The following FAM3C variants were observed in gnomAD, a reference collection of about 807,000 sequenced individuals.
The protein encoded by FAM3C is protein FAM3C.
In FAM3C, 15 loss-of-function variants were observed where a neutral mutation model predicts 32.5. The ratio of observed to expected loss-of-function variants is 0.46; its 90% CI spans 0.31 to 0.71. The LOEUF (loss-of-function observed/expected upper bound fraction) is 0.71, where lower values mean the gene tolerates loss of function less well. Among genes scored for constraint, FAM3C ranks in the 30% least tolerant of loss-of-function variants. The pLI, the probability that FAM3C is intolerant of heterozygous loss-of-function variation, is 0.05. For synonymous variants in FAM3C, 75 were observed against 86.1 expected, an observed-to-expected ratio of 0.87 and a Z score of 0.72; for missense variants, 175 against 274.4, an observed-to-expected ratio of 0.64 and a Z score of 2.56.
chr7:121,360,030 A>AAATTTTT lies in FAM3C; in HGVS notation c.467+12_467+13insAAAAATT. On this transcript the variant is annotated intron_variant, in intron 8 of 9. Transcript: ENST00000359943. ...AAATTATAGTTCCAAAAAGTTCTGT[A>AAATTTTT]AAGTTTACATACTTGGTTGCTCCAT... 7.4e-7 allele frequency: 1 copy of AAATTTTT among 1,345,648 alleles called. No homozygotes were observed. The allele number at this position is 1,345,648 out of a possible 1,614,324, so 83.4% of individuals were successfully genotyped here. A position where few individuals can be genotyped will look rare whatever the true frequency, so the allele number is the denominator to read the frequency against.
Position 121,348,972 on chromosome 7 carries a change from T to C in FAM3C, c.*1489A>G, listed in dbSNP as rs1449381461. On this transcript the variant is annotated 3_prime_UTR_variant, in exon 10 of 10. Transcript: ENST00000359943. ...AATTTACAGAATTGAGGGAAGTATT[T>C]TAAATGTCAAAATACACATGCTGAA... The C allele has an allele frequency of 3.3e-5, 5 of 152,348 alleles. No individual in the cohort carries two copies. The highest frequency in any genetic ancestry group is 4.8e-5 in the African/African-American group (2 of 41,398). The allele number at this position is 152,348 out of a possible 1,614,324, so 9.4% of individuals were successfully genotyped here. A position where few individuals can be genotyped will look rare whatever the true frequency, so the allele number is the denominator to read the frequency against.
At chr7:121,367,961 G>A (rs1458728906) in intron 5 of FAM3C, among the ~76,000 whole-genome samples, 1 of 151,244 alleles carries the variant, frequency 6.6e-6, no homozygotes, top group Non-Finnish European at 1.5e-5. Context: ...ATGAGACCCT[G>A]TCTCTAGGTA....
At chr7:121,358,372 G>C (rs1793852372) in intron 8 of FAM3C, among the ~76,000 whole-genome samples, 1 of 151,900 alleles carries the variant, frequency 6.6e-6, no homozygotes, top group South Asian at 2.1e-4. Context: ...TAGTATTAAA[G>C]CTCTGTCAAT....
At chr7:121,381,479 T>C (rs1794354934) in intron 2 of FAM3C, among the ~76,000 whole-genome samples, 1 of 152,140 alleles carries the variant, frequency 6.6e-6, no homozygotes, top group Non-Finnish European at 1.5e-5. Context: ...CTGGGAATTG[T>C]CAGAACCAGA....
At chr7:121,392,897 G>T (rs1437111708) in intron 1 of FAM3C, among the ~76,000 whole-genome samples, 1 of 152,142 alleles carries the variant, frequency 6.6e-6, no homozygotes, top group Admixed American at 6.5e-5. Flanking sequence ...ACTGATACCT[G>T]CTGATTTAGA....
intron 8 of FAM3C, among the ~76,000 whole-genome samples, chr7:121,351,926 G>GT (rs1562881791): frequency 6.6e-6 from 1 of 152,128 alleles, no homozygotes; most frequent in Non-Finnish European, 1.5e-5. Context: ...AAAATTTTGT[G>GT]TAAGTGATCA....
chr7:121,392,651 T>C (rs962885836), intron 1 of FAM3C, among the ~76,000 whole-genome samples: 7 of 152,226 alleles, frequency 4.6e-5, no homozygotes, highest in Non-Finnish European at 5.9e-5. Flanking sequence ...CTGCAAGTAA[T>C]GAATGATATG....
intron 1 of FAM3C, among the ~76,000 whole-genome samples, chr7:121,392,203 C>T (rs1398172732): frequency 2.6e-5 from 4 of 152,194 alleles, no homozygotes; most frequent in South Asian, 2.1e-4. Flanking sequence ...TTTGTGAAAA[C>T]GTATTGTATT....
intron 1 of FAM3C, among the ~76,000 whole-genome samples, chr7:121,390,487 C>T (rs1036678730): frequency 6.6e-6 from 1 of 152,162 alleles, no homozygotes; most frequent in African/African-American, 2.4e-5. Context: ...GGGGACTAGA[C>T]TGCCTTTGTA....
chr7:121,390,646 T>C (rs969520180), intron 1 of FAM3C, among the ~76,000 whole-genome samples: 3 of 152,034 alleles, frequency 2.0e-5, no homozygotes, highest in African/African-American at 4.8e-5. Flanking sequence ...GGGTTACCTA[T>C]AGCATGCACA....
At chr7:121,387,884 T>C (rs1448335100) in intron 1 of FAM3C, among the ~76,000 whole-genome samples, 7 of 152,130 alleles carry the variant, frequency 4.6e-5, no homozygotes, top group Non-Finnish European at 5.9e-5. Flanking sequence ...AAAAACCTTG[T>C]CTTTAATAAC....
At chr7:121,362,798 C>T (rs992946700) in intron 7 of FAM3C, 99 bp downstream of exon 7, 13 of 710,754 alleles carry the variant, frequency 1.8e-5, no homozygotes, top group East Asian at 2.8e-5. Flanking sequence ...AATGAACTAA[C>T]GCAAATAGCA....
At chr7:121,387,489 T>A (rs1420874043) in intron 1 of FAM3C, among the ~76,000 whole-genome samples, 1 of 152,092 alleles carries the variant, frequency 6.6e-6, no homozygotes, top group African/African-American at 2.4e-5. Context: ...CACGTGTTCA[T>A]CAAACATTTT....
At chr7:121,384,615 G>A (rs1367810445) in intron 1 of FAM3C, among the ~76,000 whole-genome samples, 3 of 152,156 alleles carry the variant, frequency 2.0e-5, no homozygotes, top group African/African-American at 7.2e-5. Context: ...AGTGGATGCT[G>A]CATGTACCTG....
intron 1 of FAM3C, among the ~76,000 whole-genome samples, chr7:121,388,306 T>C (rs951609154): frequency 6.6e-6 from 1 of 151,238 alleles, no homozygotes; most frequent in Non-Finnish European, 1.5e-5. Context: ...TATGACTTGA[T>C]CACAAATAAA....
chr7:121,362,919 T>C lies in FAM3C; in HGVS notation c.360A>G (p.Lys120=), dbSNP rs1452498238. The C allele has an allele frequency of 1.9e-6, 3 of 1,547,566 alleles. No homozygotes were observed. The highest frequency in any genetic ancestry group is 2.7e-6 in the Non-Finnish European group (3 of 1,125,670). The change falls in exon 7 of 10, where the codon AAA becomes AAG. Residue 120 remains lysine (K), a synonymous_variant. Transcript: ENST00000359943. ...TACCTCCTCCCCACATGTCAAAATA[T>C]TTAGTGTCTAATACTTCTCCTGTTT... ...NGKTGEVLDT[K]YFDMWGGDVA...
At chr7:121,378,255 A>G (rs1794278481) in intron 3 of FAM3C, among the ~76,000 whole-genome samples, 1 of 152,176 alleles carries the variant, frequency 6.6e-6, no homozygotes, top group South Asian at 2.1e-4. Context: ...TGGCAACATT[A>G]AATGAGTGGG....
At chr7:121,364,258 C>T (rs1793981012) in intron 5 of FAM3C, 70 bp from the exon 6 acceptor site, 1 of 1,064,122 alleles carries the variant, frequency 9.4e-7, no homozygotes, top group Admixed American at 2.1e-5. Context: ...AAAATAAAGT[C>T]TTGCAAAAAA....
At chr7:121,395,282 T>C (rs986084635) in intron 1 of FAM3C, among the ~76,000 whole-genome samples, 2 of 140,706 alleles carry the variant, frequency 1.4e-5, no homozygotes, top group Admixed American at 6.8e-5. Flanking sequence ...TACATACATA[T>C]ATATGGATAC....
Sources: allele counts gnomAD v4.1 joint callset (sites outside exome capture counted in the v4.1 genomes callset), GRCh38; gene constraint gnomAD v4.1.1; transcripts MANE v1.5; gene names NCBI Gene and HGNC (gene_info 2026-07-23, HGNC 2026-07-21).